RBFOX1: variants seen among roughly 807,000 people sequenced by gnomAD.
RBFOX1 encodes RNA binding fox-1 homolog 1.
In RBFOX1, 8 loss-of-function variants were observed where a neutral mutation model predicts 57.7. The observed-to-expected ratio is 0.14, with a 90% CI of 0.08 to 0.25. RBFOX1 has a LOEUF of 0.25. Among genes scored for constraint, RBFOX1 ranks in the 10% least tolerant of loss-of-function variants. RBFOX1 has a pLI of 1.00. For missense variants in RBFOX1, 611 were observed against 548.5 expected (o/e 1.11, Z -1.14); for synonymous variants, 326 against 222.4 (o/e 1.47, Z -4.15).
chr16:6,492,464 G>T (rs546550352), intron 2 of RBFOX1, among the ~76,000 whole-genome samples: 1 of 152,268 alleles, frequency 6.6e-6, no homozygotes, highest in East Asian at 1.9e-4. Context: ...AGCTATTCAG[G>T]AGGCTGAGGC....
In RBFOX1 at chr16:7,292,496, G is replaced by A. The variant is rs9934236; in HGVS notation, c.28-225651G>A. On this transcript the variant is annotated intron_variant, in intron 4 of 15. Coordinates refer to ENST00000550418, the MANE Select transcript of RBFOX1 (RefSeq NM_018723.4). ...TAATGTATTATATAATATGTATTAT[G>A]TATTATATATAAAATATATATAATA... Among the ~76,000 whole-genome samples the A allele has an allele frequency of 6.2e-3, 818 of 132,140 alleles. 6 individuals are homozygous for A. In the Middle Eastern group the frequency reaches 0.07, roughly 11 times the overall value. The allele number at this position is 132,140 out of a possible 152,430, so 86.7% of individuals were successfully genotyped here.
intron 1 of RBFOX1, among the ~76,000 whole-genome samples, chr16:5,287,951 A>C (rs898790047): frequency 6.6e-6 from 1 of 152,192 alleles, no homozygotes; most frequent in Non-Finnish European, 1.5e-5. Flanking sequence ...CAATTCAATA[A>C]GTATTTGTTG....
intron 4 of RBFOX1, among the ~76,000 whole-genome samples, chr16:7,140,234 CAAAT>C (rs1335312267): frequency 1.0e-4 from 12 of 117,376 alleles, no homozygotes; most frequent in African/African-American, 3.7e-4. Context: ...TCTGAATGGA[CAAAT>C]AAATTTTGTC....
At chr16:7,371,049 G>A (rs140196704) in intron 4 of RBFOX1, among the ~76,000 whole-genome samples, 6 of 152,230 alleles carry the variant, frequency 3.9e-5, no homozygotes, top group African/African-American at 1.4e-4. Flanking sequence ...CCTGTATTTT[G>A]TTCTCCTCTC....
intron 5 of RBFOX1, among the ~76,000 whole-genome samples, chr16:7,558,495 T>G (rs2089417877): frequency 6.6e-6 from 1 of 152,072 alleles, no homozygotes; most frequent in Non-Finnish European, 1.5e-5. Context: ...GTACACATAT[T>G]TTCGTATATG....
chr16:5,262,447 C>A (rs12325402), intron 1 of RBFOX1, among the ~76,000 whole-genome samples: 47 of 152,108 alleles, frequency 3.1e-4, no homozygotes, highest in South Asian at 6.2e-4. Flanking sequence ...CTCTCTTTAC[C>A]TGATTATATT....
At chr16:7,289,805 T>A (rs958735950) in intron 4 of RBFOX1, among the ~76,000 whole-genome samples, 16 of 152,200 alleles carry the variant, frequency 1.1e-4, no homozygotes, top group Non-Finnish European at 7.3e-5. Context: ...AGTGCTTGTC[T>A]CACTTATAAA....
At chr16:7,698,579 TAGA>T (rs2079575493) in intron 14 of RBFOX1, among the ~76,000 whole-genome samples, 1 of 152,194 alleles carries the variant, frequency 6.6e-6, no homozygotes, top group Non-Finnish European at 1.5e-5. Context: ...ATTTAATATT[TAGA>T]AGAAGTTTCC....
chr16:7,096,099 C>T (rs191482222), intron 4 of RBFOX1, among the ~76,000 whole-genome samples: 5 of 151,862 alleles, frequency 3.3e-5, no homozygotes, highest in Admixed American at 2.0e-4. Flanking sequence ...TAAGTTCTGA[C>T]GACCCAGGAG....
At chr16:7,417,558 G>C (rs919516211) in intron 4 of RBFOX1, among the ~76,000 whole-genome samples, 1 of 151,876 alleles carries the variant, frequency 6.6e-6, no homozygotes, top group Admixed American at 6.6e-5. Context: ...GTGTGTGTGT[G>C]TGTTCACTTC....
intron 3 of RBFOX1, among the ~76,000 whole-genome samples, chr16:5,864,696 A>G (rs1227946784): frequency 1.3e-5 from 2 of 152,300 alleles, no homozygotes; most frequent in East Asian, 3.9e-4. Flanking sequence ...ATGGATCATA[A>G]TTGACTTGGC....
At chr16:6,773,244 G>GTA (rs1195428907) in intron 3 of RBFOX1, among the ~76,000 whole-genome samples, 2 of 140,246 alleles carry the variant, frequency 1.4e-5, no homozygotes, top group African/African-American at 2.7e-5. Context: ...ATTTGTGTGT[G>GTA]TGTGTGGGCA....
intron 3 of RBFOX1, among the ~76,000 whole-genome samples, chr16:6,743,775 A>G (rs1009379760): frequency 6.7e-6 from 1 of 148,758 alleles, no homozygotes; most frequent in African/African-American, 2.5e-5. Flanking sequence ...AGAAGGAAGA[A>G]AAATAAATAA....
At chr16:7,179,629 CA>C (rs1771294730) in intron 4 of RBFOX1, among the ~76,000 whole-genome samples, 1 of 151,908 alleles carries the variant, frequency 6.6e-6, no homozygotes, top group Non-Finnish European at 1.5e-5. Flanking sequence ...GGAAGCTGAC[CA>C]CATAGGGGGA....
intron 8 of RBFOX1, 92 bp downstream of exon 8, chr16:7,595,733 A>T: frequency 2.3e-6 from 2 of 851,284 alleles, no homozygotes; most frequent in Non-Finnish European, 3.4e-6. Flanking sequence ...GGCGTCTTGT[A>T]TGTGACCCTA....
intron 3 of RBFOX1, among the ~76,000 whole-genome samples, chr16:5,628,671 A>G (rs912081010): frequency 6.6e-6 from 1 of 152,346 alleles, no homozygotes; most frequent in Admixed American, 6.5e-5. Context: ...AAATGATGGA[A>G]GAAGCCTTGC....
intron 3 of RBFOX1, among the ~76,000 whole-genome samples, chr16:5,840,769 G>A (rs1005822876): frequency 3.3e-5 from 5 of 152,134 alleles, no homozygotes; most frequent in Non-Finnish European, 7.3e-5. Context: ...TGATCCACCT[G>A]GGGATGCAGT....
intron 1 of RBFOX1, among the ~76,000 whole-genome samples, chr16:6,296,340 C>G (rs2078099270): frequency 6.6e-6 from 1 of 152,134 alleles, no homozygotes; most frequent in African/African-American, 2.4e-5. Flanking sequence ...CTCTAGCAGC[C>G]TCACTATACT....
At chr16:6,932,970 C>G (rs529440468) in intron 3 of RBFOX1, among the ~76,000 whole-genome samples, 1 of 152,296 alleles carries the variant, frequency 6.6e-6, no homozygotes, top group South Asian at 2.1e-4. Context: ...GCTCTAGTAT[C>G]TCATGTAAGT....
Sources: gnomAD v4.1 joint callset for allele counts (sites outside exome capture counted in the v4.1 genomes callset) on GRCh38, gnomAD v4.1.1 for gene constraint, MANE v1.5 for transcripts, NCBI Gene and HGNC (gene_info 2026-07-23, HGNC 2026-07-21) for gene names.